MARCHF11: variants seen among roughly 807,000 people sequenced by gnomAD.
MARCHF11 encodes E3 ubiquitin-protein ligase MARCHF11.
MARCHF11 carries 29 observed loss-of-function variants against 37.3 expected under a neutral mutation model. The ratio of observed to expected loss-of-function variants is 0.78; its 90% confidence interval spans 0.58 to 1.06. The LOEUF is 1.06. Ranked by LOEUF, MARCHF11 falls within the 50% of genes least tolerant of loss-of-function variation. The pLI, the probability that MARCHF11 is intolerant of heterozygous loss-of-function variation, is 0.00. For missense variants in MARCHF11, 482 were observed against 533.4 expected, an observed-to-expected ratio of 0.90 and a Z score of 0.95; for synonymous variants, 233 against 228.0, an observed-to-expected ratio of 1.02 and a Z score of -0.20.
At chr5:16,112,611 T>C (rs796256375) in intron 2 of MARCHF11, among the ~76,000 whole-genome samples, 48 of 152,340 alleles carry the variant, frequency 3.2e-4, no homozygotes, top group African/African-American at 1.2e-3. Flanking sequence ...GATGAGACTT[T>C]GAACTGTGGA....
chr5:16,137,205 T>G (rs924434134), intron 2 of MARCHF11, among the ~76,000 whole-genome samples: 1 of 152,118 alleles, frequency 6.6e-6, no homozygotes, highest in Non-Finnish European at 1.5e-5. Flanking sequence ...CCCAACCAAA[T>G]TTCATCTTGA....
chr5:16,089,460 G>T lies in MARCHF11; in HGVS notation c.886+1429C>A, dbSNP rs145961237. Among the ~76,000 whole-genome samples the T allele has an allele frequency of 7.9e-5, 12 of 152,150 alleles. No individual in the cohort carries two copies. In the East Asian group the frequency reaches 1.4e-3, roughly 17 times the overall value. The stretch of plus-strand genomic sequence containing the variant: ...TGCAAACTGTTCATATACATGATTA[G>T]CTCAATTATTCCGGCAACATCTCTT... On this transcript the variant is annotated intron_variant, in intron 3 of 3. Transcript: ENST00000332432.
intron 2 of MARCHF11, among the ~76,000 whole-genome samples, chr5:16,121,405 A>G (rs1394726302): frequency 6.6e-6 from 1 of 152,228 alleles, no homozygotes; most frequent in African/African-American, 2.4e-5. Context: ...CCAGTAACTA[A>G]CACAGTGGTT....
chr5:16,095,482 AAGGG>A lies in MARCHF11; in HGVS notation c.694-4405_694-4402del, dbSNP rs142167340. Among the ~76,000 whole-genome samples, 88 of 126,868 alleles carry A rather than the reference AAGGG, an allele frequency of 6.9e-4. 1 individual carries two copies. The highest frequency in any genetic ancestry group is 2.3e-3 in the African/African-American group (71 of 30,318). 83.2% of individuals were successfully genotyped at this position (126,868 alleles called of 152,430 possible). Reference sequence around the variant, plus strand: ...GAAGGAGGGAAGGAAGGAAGGAAGGAAGGGAGGGAGGGAGGGAGGGAGGGAGATC... The same window carrying A: ...GAAGGAGGGAAGGAAGGAAGGAAGGAAGGGAGGGAGGGAGGGAGGGAGATC... On this transcript the variant is annotated intron_variant, in intron 2 of 3. Coordinates refer to ENST00000332432, the MANE Select transcript of MARCHF11 (RefSeq NM_001102562.3).
chr5:16,079,844 G>A, intron 3 of MARCHF11, among the ~76,000 whole-genome samples: 1 of 152,162 alleles, frequency 6.6e-6, no homozygotes, highest in East Asian at 1.9e-4. Flanking sequence ...CTCCAGCTGT[G>A]CCCACCTCCC....
intron 2 of MARCHF11, among the ~76,000 whole-genome samples, chr5:16,098,244 A>G (rs1292087470): frequency 6.6e-6 from 1 of 152,208 alleles, no homozygotes; most frequent in African/African-American, 2.4e-5. Flanking sequence ...TTCTCTGATC[A>G]GGAACTAGGC....
chr5:16,127,519 A>G (rs567236872), intron 2 of MARCHF11, among the ~76,000 whole-genome samples: 2 of 152,286 alleles, frequency 1.3e-5, no homozygotes, highest in African/African-American at 4.8e-5. Flanking sequence ...AACACCTAAC[A>G]AGGCATATCT....
chr5:16,167,156 A>G (rs548531198), intron 2 of MARCHF11, among the ~76,000 whole-genome samples: 4 of 51,604 alleles, frequency 7.8e-5, no homozygotes, highest in African/African-American at 2.1e-4. Context: ...CTGTATACAC[A>G]CGTGTGTGTG....
At chr5:16,080,191 G>A (rs767490630) in intron 3 of MARCHF11, among the ~76,000 whole-genome samples, 41 of 152,038 alleles carry the variant, frequency 2.7e-4, no homozygotes, top group African/African-American at 8.5e-4. Flanking sequence ...ATCCATCCAC[G>A]TTACCCCCAC....
intron 2 of MARCHF11, among the ~76,000 whole-genome samples, chr5:16,135,852 G>T (rs760737005): frequency 6.9e-6 from 1 of 144,970 alleles, no homozygotes; most frequent in Non-Finnish European, 1.5e-5. Context: ...AAGAAAGGAA[G>T]GCGGGAAGGG....
intron 2 of MARCHF11, among the ~76,000 whole-genome samples, chr5:16,116,426 C>T (rs546827934): frequency 6.6e-6 from 1 of 152,186 alleles, no homozygotes; most frequent in African/African-American, 2.4e-5. Flanking sequence ...TTTCATCAAA[C>T]AACTCTGAAT....
chr5:16,144,530 C>T (rs1355901550), intron 2 of MARCHF11, among the ~76,000 whole-genome samples: 3 of 152,164 alleles, frequency 2.0e-5, no homozygotes, highest in African/African-American at 4.8e-5. Context: ...TATCCCATCA[C>T]CCTCCCTCTT....
intron 3 of MARCHF11, among the ~76,000 whole-genome samples, chr5:16,088,735 C>A (rs546533642): frequency 1.3e-5 from 2 of 152,142 alleles, no homozygotes; most frequent in East Asian, 3.9e-4. Context: ...AATGTTCAAT[C>A]AGAATTCTTT....
chr5:16,111,391 T>C (rs1179846593), intron 2 of MARCHF11, among the ~76,000 whole-genome samples: 1 of 152,194 alleles, frequency 6.6e-6, no homozygotes, highest in Non-Finnish European at 1.5e-5. Flanking sequence ...AGGTACTTGT[T>C]GGCAACTGGG....
intron 2 of MARCHF11, among the ~76,000 whole-genome samples, chr5:16,093,262 T>G (rs1736814202): frequency 6.6e-6 from 1 of 152,196 alleles, no homozygotes; most frequent in African/African-American, 2.4e-5. Context: ...GAGACTTTAC[T>G]GATATCTATT....
chr5:16,107,168 A>C (rs1464727326), intron 2 of MARCHF11, among the ~76,000 whole-genome samples: 1 of 152,256 alleles, frequency 6.6e-6, no homozygotes, highest in African/African-American at 2.4e-5. Flanking sequence ...TATCCACATA[A>C]CAGCTGAACC....
At chr5:16,112,500 G>A (rs1022157530) in intron 2 of MARCHF11, among the ~76,000 whole-genome samples, 21 of 152,280 alleles carry the variant, frequency 1.4e-4, no homozygotes, top group South Asian at 4.1e-4. Flanking sequence ...CATTTGGAAC[G>A]GCTGTATTTA....
chr5:16,107,686 G>A (rs1185225882), intron 2 of MARCHF11, among the ~76,000 whole-genome samples: 9 of 151,768 alleles, frequency 5.9e-5, no homozygotes, highest in South Asian at 2.1e-4. Flanking sequence ...CCTTTTGGCC[G>A]ATCACGCCCC....
At chr5:16,170,241 C>G (rs990712655) in intron 2 of MARCHF11, among the ~76,000 whole-genome samples, 1 of 152,094 alleles carries the variant, frequency 6.6e-6, no homozygotes, top group African/African-American at 2.4e-5. Flanking sequence ...TGAACAAATG[C>G]TAGAAGAAAC....
Sources: allele counts gnomAD v4.1 joint callset (sites outside exome capture counted in the v4.1 genomes callset), GRCh38; gene constraint gnomAD v4.1.1; transcripts MANE v1.5; gene names NCBI Gene and HGNC (gene_info 2026-07-23, HGNC 2026-07-21).